Variants in SUSD4 observed in about 807,000 individuals in gnomAD.
SUSD4 encodes the protein sushi domain-containing protein 4.
In SUSD4, 41 loss-of-function variants were observed where a neutral mutation model predicts 50.5. That is an observed-to-expected ratio of 0.81 (90% CI 0.63 to 1.05). The LOEUF is 1.05. SUSD4 is among the 50% of genes least tolerant of loss of function. SUSD4 has a pLI of 0.00. For synonymous variants in SUSD4, 257 were observed against 257.3 expected (o/e 1.00, Z 0.01); for missense variants, 580 against 634.7 (o/e 0.91, Z 0.93).
chr1:223,260,231 C>G (rs1662007593), intron 5 of SUSD4, among the ~76,000 whole-genome samples: 1 of 152,208 alleles, frequency 6.6e-6, no homozygotes, highest in Non-Finnish European at 1.5e-5. Context: ...CCATCTTGTT[C>G]TCCCTCTAGA....
chr1:223,317,289 C>T (rs891429215), intron 2 of SUSD4, among the ~76,000 whole-genome samples: 2 of 152,188 alleles, frequency 1.3e-5, no homozygotes, highest in African/African-American at 4.8e-5. Context: ...GCCATGGCAA[C>T]ATCAGAAAGT....
chr1:223,360,549 C>T (rs997247302), intron 2 of SUSD4, among the ~76,000 whole-genome samples: 3 of 152,184 alleles, frequency 2.0e-5, no homozygotes, highest in African/African-American at 7.2e-5. Flanking sequence ...AGAACTGAAT[C>T]GGAGCTCTGG....
At chr1:223,275,719 C>T (rs1311181555) in intron 3 of SUSD4, among the ~76,000 whole-genome samples, 4 of 152,164 alleles carry the variant, frequency 2.6e-5, no homozygotes, top group African/African-American at 9.7e-5. Flanking sequence ...AGCCCCCGCC[C>T]CCGGCAATTA....
At chr1:223,342,605 T>G (rs1667819269) in intron 2 of SUSD4, among the ~76,000 whole-genome samples, 1 of 152,194 alleles carries the variant, frequency 6.6e-6, no homozygotes, top group Non-Finnish European at 1.5e-5. Context: ...CCCAAATATC[T>G]ATACAATGTT....
rs150458910 is a variant in SUSD4 at position 223,268,741 on chromosome 1, C to A, written c.362-66G>T. On this transcript the variant is annotated intron_variant, in intron 3 of 8. Coordinates refer to ENST00000366878, the MANE Select transcript of SUSD4 (RefSeq NM_017982.4). ...AAAACGGTTGTGGTTCACAGCTTCA[C>A]GAGAAAGCTCTTATTTTCAGACTTG... The A allele has an allele frequency of 2.0e-6, 3 of 1,507,502 alleles. No individual in the cohort carries two copies. The East Asian group carries it at 6.9e-5, about 35-fold the overall frequency. The allele number at this position is 1,507,502 out of a possible 1,614,324, so 93.4% of individuals were successfully genotyped here. A position where few individuals can be genotyped will look rare whatever the true frequency, so the allele number is the denominator to read the frequency against.
intron 5 of SUSD4, among the ~76,000 whole-genome samples, chr1:223,247,743 C>T (rs1039717058): frequency 1.3e-5 from 2 of 152,072 alleles, no homozygotes; most frequent in African/African-American, 4.8e-5. Flanking sequence ...GGAGCTTTGC[C>T]TAATTGGTCT....
In SUSD4 at chr1:223,253,422, T is replaced by C. The variant is rs1183718172; in HGVS notation, c.724+11208A>G. Reference sequence around the variant, plus strand: ...AAATGAATGACATGAGACAAAAAGATAGGAATAGAAAGGTATGACTATTTT... The same window carrying C: ...AAATGAATGACATGAGACAAAAAGACAGGAATAGAAAGGTATGACTATTTT... On this transcript the variant is annotated intron_variant, in intron 5 of 8. Coordinates refer to ENST00000366878, the MANE Select transcript of SUSD4 (RefSeq NM_017982.4). 2.0e-5 allele frequency among the ~76,000 whole-genome samples: 3 copies of C among 151,686 alleles called. No homozygotes were observed. In the East Asian group the frequency reaches 5.8e-4, roughly 29 times the overall value.
At chr1:223,258,543 T>C (rs1042274403) in intron 5 of SUSD4, among the ~76,000 whole-genome samples, 7 of 151,878 alleles carry the variant, frequency 4.6e-5, no homozygotes, top group Admixed American at 2.6e-4. Flanking sequence ...CTGGGGGCAT[T>C]CTGGGTTTGG....
rs80052230 is a variant in SUSD4, at chr1:223,290,002, A to G, written c.361+2437T>C. ...CTCAGTTTCCTAATCAGGAAACAAT[A>G]AGACTCATCTTATAGAATTGTTGTG... On this transcript the variant is annotated intron_variant, in intron 3 of 8. Coordinates refer to ENST00000366878, the MANE Select transcript of SUSD4 (RefSeq NM_017982.4). 3.8e-3 allele frequency among the ~76,000 whole-genome samples: 574 copies of G among 152,342 alleles called. 4 individuals carry two copies. Among genetic ancestry groups the G allele is most frequent in the African/African-American group, 0.013 (553 of 41,578 alleles).
intron 3 of SUSD4, among the ~76,000 whole-genome samples, chr1:223,281,414 C>T (rs1404567140): frequency 3.3e-5 from 5 of 152,064 alleles, no homozygotes; most frequent in Admixed American, 1.3e-4. Flanking sequence ...ATATCACCAC[C>T]AATCCCACAG....
intron 5 of SUSD4, among the ~76,000 whole-genome samples, chr1:223,259,343 A>G (rs1197365741): frequency 2.6e-5 from 4 of 152,220 alleles, no homozygotes; most frequent in Non-Finnish European, 4.4e-5. Context: ...ACTTCTGGAT[A>G]AAGGATCCAG....
chr1:223,344,945 G>A (rs765319221), intron 2 of SUSD4, among the ~76,000 whole-genome samples: 10 of 152,114 alleles, frequency 6.6e-5, no homozygotes, highest in Non-Finnish European at 1.5e-4. Context: ...TTCCTCTCTG[G>A]CCTCTCTTCA....
chr1:223,295,274 C>G (rs1008496131), intron 2 of SUSD4, among the ~76,000 whole-genome samples: 1 of 152,134 alleles, frequency 6.6e-6, no homozygotes, highest in Non-Finnish European at 1.5e-5. Flanking sequence ...GAAACATTAG[C>G]AGCAATGGAA....
chr1:223,298,755 T>C (rs1385617985), intron 2 of SUSD4, among the ~76,000 whole-genome samples: 1 of 152,260 alleles, frequency 6.6e-6, no homozygotes, highest in Non-Finnish European at 1.5e-5. Context: ...GAGAGTTTCA[T>C]GGAAGTTACA....
intron 2 of SUSD4, among the ~76,000 whole-genome samples, chr1:223,354,980 C>A (rs771887518): frequency 6.6e-6 from 1 of 151,782 alleles, no homozygotes; most frequent in South Asian, 2.1e-4. Context: ...TTTTTTGAGA[C>A]AAGCTCTTAC....
At chr1:223,345,642 C>A (rs796980433) in intron 2 of SUSD4, among the ~76,000 whole-genome samples, 30 of 152,350 alleles carry the variant, frequency 2.0e-4, no homozygotes, top group African/African-American at 7.2e-4. Flanking sequence ...ACGCCGACGT[C>A]CGGCTTTCTA....
intron 3 of SUSD4, among the ~76,000 whole-genome samples, chr1:223,272,853 G>A (rs1013902629): frequency 6.6e-6 from 1 of 152,094 alleles, no homozygotes; most frequent in Non-Finnish European, 1.5e-5. Context: ...AGGGTGTCCT[G>A]GGTGCTGGGG....
intron 3 of SUSD4, among the ~76,000 whole-genome samples, chr1:223,282,314 T>C (rs1242026697): frequency 6.6e-6 from 1 of 152,176 alleles, no homozygotes; most frequent in Non-Finnish European, 1.5e-5. Context: ...TGTTTGCAGA[T>C]GACATGATTG....
intron 2 of SUSD4, among the ~76,000 whole-genome samples, chr1:223,326,961 CT>C (rs1055580712): frequency 7.9e-5 from 12 of 152,136 alleles, no homozygotes; most frequent in African/African-American, 2.9e-4. Context: ...AAAAGTAGAT[CT>C]ACCATTCAAT....
Sources: allele counts gnomAD v4.1 joint callset (sites outside exome capture counted in the v4.1 genomes callset), GRCh38; gene constraint gnomAD v4.1.1; transcripts MANE v1.5; gene names NCBI Gene and HGNC (gene_info 2026-07-23, HGNC 2026-07-21).